The following SMUG1 variants were observed in gnomAD, a reference collection of about 807,000 sequenced individuals.
SMUG1 encodes single-strand selective monofunctional uracil DNA glycosylase.
SMUG1 carries 13 observed loss-of-function variants against 23.9 expected under a neutral mutation model. The observed-to-expected ratio is 0.54, with a 90% CI of 0.35 to 0.86. The LOEUF (loss-of-function observed/expected upper bound fraction) is 0.86. Among genes scored for constraint, SMUG1 ranks in the 40% least tolerant of loss-of-function variants. The pLI is 0.01. For synonymous variants in SMUG1, 133 were observed against 139.8 expected, an observed-to-expected ratio of 0.95 and a Z score of 0.34; for missense variants, 313 against 339.5, an observed-to-expected ratio of 0.92 and a Z score of 0.61.
intron 1 of SMUG1, 146 bp downstream of exon 1, chr12:54,188,805 T>A (rs1486912090): frequency 1.3e-5 from 2 of 151,926 alleles, no homozygotes; most frequent in Non-Finnish European, 2.9e-5. Flanking sequence ...TAGGCTGGGC[T>A]CTCCCTGCAC....
chr12:54,175,601 C>T (rs1940732542), downstream of SMUG1, among the ~76,000 whole-genome samples: 1 of 152,242 alleles, frequency 6.6e-6, no homozygotes, highest in African/African-American at 2.4e-5. Context: ...CACCTCCTCC[C>T]CAGACTCTGA....
At chr12:54,176,474 G>T (rs2136553471), downstream of SMUG1, among the ~76,000 whole-genome samples, 1 of 135,962 alleles carries the variant, frequency 7.4e-6, no homozygotes, top group African/African-American at 2.8e-5. Flanking sequence ...TCATGCCACT[G>T]CACTCCAGCC....
rs1436731474 is a variant in SMUG1, at chr12:54,180,921, G to GA, written c.*1174dup. 2.0e-5 allele frequency: 3 copies of GA among 150,960 alleles called. No individual in the cohort carries two copies. The highest frequency in any genetic ancestry group is 3.9e-4 in the East Asian group (2 of 5,134). The allele number at this position is 150,960 out of a possible 1,614,324, so 9.4% of individuals were successfully genotyped here. ...GAGAATCACTTGAACCGGGAAAGCAGATGTTGCAGTGAACTGAGACCATGC... is the reference window on the plus strand; with the variant it reads ...GAGAATCACTTGAACCGGGAAAGCAGAATGTTGCAGTGAACTGAGACCATGC... On this transcript the variant is annotated 3_prime_UTR_variant, in exon 4 of 4. Transcript: ENST00000682136.
At chr12:54,175,489 A>T (rs571391311), downstream of SMUG1, among the ~76,000 whole-genome samples, 2 of 152,250 alleles carry the variant, frequency 1.3e-5, no homozygotes, top group East Asian at 3.9e-4. Flanking sequence ...TATCTGACAC[A>T]ATGGTCCCGT....
intron 3 of SMUG1, chr12:54,183,437 G>A (rs910313087): frequency 8.5e-6 from 5 of 585,892 alleles, no homozygotes; most frequent in African/African-American, 1.9e-5. Flanking sequence ...CAGCTCACAG[G>A]GAAAACGAAA....
downstream of SMUG1, among the ~76,000 whole-genome samples, chr12:54,176,516 A>ACCC (rs544415134): frequency 0.24 from 8,804 of 36,200 alleles, 1,055 homozygotes; most frequent in African/African-American, 0.44. Flanking sequence ...GTCCCCCCCC[A>ACCC]AAAAAAAAGG....
Position 54,182,377 on chromosome 12 carries a change from T to C in SMUG1, c.532A>G (p.Thr178Ala), listed in dbSNP as rs960521556. 20 of 1,613,582 alleles carry C rather than the reference T, an allele frequency of 1.2e-5. No individual in the cohort carries two copies. The highest frequency in any genetic ancestry group is 1.7e-5 in the Non-Finnish European group (20 of 1,179,890). Residue 178 changes from threonine to alanine, a missense_variant, in exon 4 of 4, where the codon ACT becomes GCT. Thr to Ala is a moderately conservative substitution (Grantham distance 58). Transcript: ENST00000682136. ...LFLAPSGRNL[T>A]PAELPAKQRE... ...TGCTTGGCAGGCAGCTCAGCAGGAGTAAGGTTGCGCCCGCTGGGAGCCAGG... is the reference window on the plus strand; with the variant it reads ...TGCTTGGCAGGCAGCTCAGCAGGAGCAAGGTTGCGCCCGCTGGGAGCCAGG...
chr12:54,186,578 G>GC (rs60582427), intron 2 of SMUG1, among the ~76,000 whole-genome samples: 189 of 152,206 alleles, frequency 1.2e-3, no homozygotes, highest in African/African-American at 4.4e-3. Flanking sequence ...CTGACCTCAT[G>GC]ATCTGCCTGC....
chr12:54,182,303 C>T lies in SMUG1; in HGVS notation c.606G>A (p.Val202=), dbSNP rs1205085082. Residue 202 remains valine (V), a synonymous_variant, in exon 4 of 4, where the codon GTG becomes GTA. Transcript: ENST00000682136. Reference sequence around the variant, plus strand: ...CCACCAGCCGCACCCCCAGCAGCTGCACCTGCCGGCAGAGGGCTGCATCAC... The same window carrying T: ...CCACCAGCCGCACCCCCAGCAGCTGTACCTGCCGGCAGAGGGCTGCATCAC... ...GICDAALCRQ[V]QLLGVRLVVG... is the part of the protein sequence containing the mutation. 3.7e-6 allele frequency: 6 copies of T among 1,613,472 alleles called. No individual in the cohort carries two copies. The highest frequency in any genetic ancestry group is 4.2e-6 in the Non-Finnish European group (5 of 1,179,630).
rs773755041 is a variant in SMUG1, at chr12:54,182,456, C to A, written c.453G>T (p.Gln151His). Residue 151 changes from glutamine to histidine, a missense_variant, in exon 4 of 4, where the codon CAG (glutamine) becomes CAT (histidine). Transcript: ENST00000682136. ...FWGFFRNLCG[Q>H]PEVFFHHCFV... The stretch of plus-strand genomic sequence containing the variant: ...AACAGTGATGGAAGAAGACCTCAGG[C>A]TGTCCACAGAGGTTCCGGAAAAAGC... 3 of 1,614,090 alleles carry A rather than the reference C, an allele frequency of 1.9e-6. No individual in the cohort carries two copies. The highest frequency in any genetic ancestry group is 1.7e-5 in the Admixed American group (1 of 60,012).
chr12:54,159,215 CCAGCCCT>C (rs1451599132), intron 4 of SMUG1, among the ~76,000 whole-genome samples: 1 of 152,210 alleles, frequency 6.6e-6, no homozygotes, highest in Non-Finnish European at 1.5e-5. Context: ...CGTCGAGCCC[CCAGCCCT>C]CAGCCCTCAC....
At position 54,171,148 on chromosome 12, in the gene SMUG1, C is replaced by T. The variant is rs989940211; in HGVS notation, c.*52+877G>A. 1.6e-4 allele frequency among the ~76,000 whole-genome samples: 25 copies of T among 151,860 alleles called. No individual in the cohort carries two copies. The South Asian group carries it at 3.7e-3, about 23-fold the overall frequency. ...CCAAGTAGCTGGGATCACAGGCGTC[C>T]GCCACCACATCTGGCTAATTTTTGT... On this transcript the variant is annotated intron_variant and NMD_transcript_variant, in intron 3 of 4. Transcript: ENST00000509864.
chr12:54,172,426 T>A (rs1316882907), intron 2 of SMUG1: 1 of 214,234 alleles, frequency 4.7e-6, no homozygotes, highest in East Asian at 9.8e-5. Context: ...CTCCATATGT[T>A]GGGGCGCCTG....
At chr12:54,168,138 G>A (rs959346456) in intron 3 of SMUG1, 5 of 152,242 alleles carry the variant, frequency 3.3e-5, no homozygotes, top group African/African-American at 1.2e-4. Flanking sequence ...GATGCTGCAG[G>A]TGCTTCTAGG....
rs1940935894 is a variant in SMUG1, at chr12:54,180,656, A to T, written c.*1440T>A. The T allele has an allele frequency of 6.6e-6, 1 of 152,182 alleles. No individual in the cohort carries two copies. The highest frequency in any genetic ancestry group is 1.5e-5 in the Non-Finnish European group (1 of 68,040). The allele number at this position is 152,182 out of a possible 1,614,324, so 9.4% of individuals were successfully genotyped here. On this transcript the variant is annotated 3_prime_UTR_variant, in exon 4 of 4. Transcript: ENST00000682136. ...TTTCTCACGGTGTCCAGAGTATCAT[A>T]TAAGACCCCTAACAGACACTTAACA...
At chr12:54,185,484 A>AT (rs1942166035) in intron 2 of SMUG1, among the ~76,000 whole-genome samples, 1 of 68,344 alleles carries the variant, frequency 1.5e-5, no homozygotes, top group African/African-American at 4.6e-5. Flanking sequence ...AAATAAAATA[A>AT]AAAATAAATA....
At chr12:54,184,172 T>G in intron 2 of SMUG1, 1 of 426,862 alleles carries the variant, frequency 2.3e-6, no homozygotes, top group South Asian at 6.5e-5. Context: ...ATCTGTCCTC[T>G]TCACATGGCA....
chr12:54,158,289 A>G (rs1188286791), intron 4 of SMUG1, among the ~76,000 whole-genome samples: 2 of 152,214 alleles, frequency 1.3e-5, no homozygotes, highest in Non-Finnish European at 2.9e-5. Context: ...TAGCCACATC[A>G]TCATAGCCCC....
intron 2 of SMUG1, among the ~76,000 whole-genome samples, 175 bp downstream of exon 2, chr12:54,187,644 C>T (rs1205555590): frequency 6.6e-6 from 1 of 152,254 alleles, no homozygotes; most frequent in African/African-American, 2.4e-5. Context: ...AGCCTGATCT[C>T]ATAGCAAGAG....
Sources: gnomAD v4.1 joint callset for allele counts (sites outside exome capture counted in the v4.1 genomes callset) on GRCh38, gnomAD v4.1.1 for gene constraint, MANE v1.5 for transcripts, NCBI Gene and HGNC (gene_info 2026-07-23, HGNC 2026-07-21) for gene names.